TAX1BP3: variants seen among roughly 807,000 people sequenced by gnomAD.
TAX1BP3 encodes the protein Tax1 binding protein 3.
A neutral mutation model predicts 15.3 loss-of-function variants in TAX1BP3; 13 were observed. The observed-to-expected ratio is 0.85, with a 90% CI of 0.55 to 1.35. TAX1BP3 has a LOEUF of 1.35. Among genes scored for constraint, TAX1BP3 ranks in the 40% most tolerant of loss-of-function variants. The pLI is 0.00. For synonymous variants in TAX1BP3, 70 were observed against 66.0 expected, an observed-to-expected ratio of 1.06 and a Z score of -0.30; for missense variants, 147 against 169.6, an observed-to-expected ratio of 0.87 and a Z score of 0.74.
intron 1 of TAX1BP3, among the ~76,000 whole-genome samples, chr17:3,666,659 G>A (rs1175131651): frequency 6.6e-6 from 1 of 152,144 alleles, no homozygotes; most frequent in African/African-American, 2.4e-5. Flanking sequence ...GAGTGAGCCT[G>A]CCCAAACCCA....
intron 2 of TAX1BP3, 71 bp from the exon 3 acceptor site, chr17:3,664,343 C>G: frequency 1.9e-6 from 3 of 1,562,978 alleles, no homozygotes; most frequent in Non-Finnish European, 2.6e-6. Flanking sequence ...CGGAAGCCAG[C>G]ATGGCACATT....
Position 3,668,364 on chromosome 17 carries a change from C to T in TAX1BP3, c.39+124G>A. ...GCTCCGGCAAAGCGGGGACCCGAGC[C>T]CTTGCCGCCGGTTCGCAGGAGCCCC... On this transcript the variant is annotated intron_variant, in intron 1 of 3. Transcript: ENST00000225525. This position sits in a 1 kb window ranked among gnomAD's most constrained non-coding sequence, Gnocchi z 4.1. 2.3e-6 allele frequency: 3 copies of T among 1,293,706 alleles called. No homozygotes were observed. The highest frequency in any genetic ancestry group is 3.1e-6 in the Non-Finnish European group (3 of 956,170). 80.1% of individuals were successfully genotyped at this position (1,293,706 alleles called of 1,614,324 possible).
intron 1 of TAX1BP3, chr17:3,665,777 A>C: frequency 3.7e-5 from 22 of 602,596 alleles, no homozygotes; most frequent in East Asian, 6.2e-5. Flanking sequence ...AAAGGAGAGG[A>C]AGGGCTTGCC....
Position 3,664,786 on chromosome 17 carries a change from T to C in TAX1BP3, c.52A>G (p.Ile18Val). 1 of 1,613,388 alleles carries C rather than the reference T, an allele frequency of 6.2e-7. No homozygotes were observed. Among genetic ancestry groups the C allele is most frequent in the East Asian group, 2.2e-5 (1 of 44,884 alleles). The part of the protein sequence containing the change: ...PVTAVVQRVE[I>V]HKLRQGENLI... ...TTCTCACCTTGACGCAGCTTGTGAA[T>C]TTCAACTCTTTGCTGGCAAAGAAAA... Residue 18 changes from isoleucine (I) to valine (V), a missense_variant, in exon 2 of 4, where the codon ATT becomes GTT. Physicochemically the swap from Ile to Val is conservative, Grantham distance 29. Transcript: ENST00000225525.
rs1258176009 is a variant in TAX1BP3 at position 3,664,265 on chromosome 17, T to C, written c.167A>G (p.Tyr56Cys). ...GCCTCCTTCAGACACCCGTGTGACA[T>C]AAATACCCTGGAAAGGGGCAGCCCA... ...FSEDKTDKGIYVTRVSEGGPA... is the reference protein window; with the variant it reads ...FSEDKTDKGICVTRVSEGGPA... The change falls in exon 3 of 4, where the codon TAT becomes TGT. Residue 56 changes from tyrosine to cysteine, a missense_variant. Physicochemically the swap from Tyr to Cys is radical, Grantham distance 194. Coordinates refer to ENST00000225525, the MANE Select transcript of TAX1BP3 (RefSeq NM_014604.4). 2 of 1,613,816 alleles carry C rather than the reference T, an allele frequency of 1.2e-6. No individual in the cohort carries two copies. The highest frequency in any genetic ancestry group is 1.7e-6 in the Non-Finnish European group (2 of 1,180,020).
intron 1 of TAX1BP3, among the ~76,000 whole-genome samples, chr17:3,667,395 C>T (rs535605817): frequency 6.7e-6 from 1 of 148,496 alleles, no homozygotes; most frequent in Admixed American, 6.7e-5. Flanking sequence ...AAGCTTAGGA[C>T]AGCTGTCAGC....
chr17:3,663,524 G>C lies in TAX1BP3; in HGVS notation c.*224C>G. 1.8e-6 allele frequency: 1 copy of C among 569,672 alleles called. No homozygotes were observed. The highest frequency in any genetic ancestry group is 2.8e-6 in the Non-Finnish European group (1 of 352,248). 35.3% of individuals were successfully genotyped at this position (569,672 alleles called of 1,614,324 possible). A position where few individuals can be genotyped will look rare whatever the true frequency, so the allele number is the denominator to read the frequency against. ...GCAGACTGGCTACTACTCAGCTCCAGGCCCTTATTTCCAATCCTCGGTGTC... is the reference window on the plus strand; with the variant it reads ...GCAGACTGGCTACTACTCAGCTCCACGCCCTTATTTCCAATCCTCGGTGTC... On this transcript the variant is annotated 3_prime_UTR_variant, in exon 4 of 4. Transcript: ENST00000225525.
chr17:3,663,603 G>A lies in TAX1BP3; in HGVS notation c.*145C>T. 1 of 1,243,048 alleles carries A rather than the reference G, an allele frequency of 8.0e-7. No individual in the cohort carries two copies. The highest frequency in any genetic ancestry group is 1.1e-6 in the Non-Finnish European group (1 of 942,294). 77.0% of individuals were successfully genotyped at this position (1,243,048 alleles called of 1,614,324 possible). Reference sequence around the variant, plus strand: ...CAGGCCAGGGATGGGAGAAGGGAAGGAAGGCCAGGCCAGGCCTCTGGGACC... The same window carrying A: ...CAGGCCAGGGATGGGAGAAGGGAAGAAAGGCCAGGCCAGGCCTCTGGGACC... On this transcript the variant is annotated 3_prime_UTR_variant, in exon 4 of 4. Transcript: ENST00000225525.
chr17:3,665,049 A>G (rs762335781), intron 1 of TAX1BP3, among the ~76,000 whole-genome samples: 2 of 152,202 alleles, frequency 1.3e-5, no homozygotes, highest in African/African-American at 2.4e-5. Context: ...GTCTTGGTCA[A>G]CATGTGGTGG....
intron 1 of TAX1BP3, among the ~76,000 whole-genome samples, chr17:3,666,056 A>C (rs2142991908): frequency 6.6e-6 from 1 of 152,374 alleles, no homozygotes; most frequent in South Asian, 2.1e-4. Flanking sequence ...GGTTCTTTTC[A>C]AAGCCCTTGG....
Position 3,663,046 on chromosome 17 carries a change from T to A in TAX1BP3, c.*702A>T. On this transcript the variant is annotated 3_prime_UTR_variant, in exon 4 of 4. Coordinates refer to ENST00000225525, the MANE Select transcript of TAX1BP3 (RefSeq NM_014604.4). Reference sequence around the variant, plus strand: ...AAGTAGAATGGGCATCTCCAAAGAGTACGATAAAAACATTTTGTATCAAAC... The same window carrying A: ...AAGTAGAATGGGCATCTCCAAAGAGAACGATAAAAACATTTTGTATCAAAC... 1 of 151,820 alleles carries A rather than the reference T, an allele frequency of 6.6e-6. No homozygotes were observed. The allele number at this position is 151,820 out of a possible 1,614,324, so 9.4% of individuals were successfully genotyped here.
Position 3,668,119 on chromosome 17 carries a change from AG to A in TAX1BP3, c.39+368del, listed in dbSNP as rs2142992391. 6.6e-6 allele frequency among the ~76,000 whole-genome samples: 1 copy of A among 152,302 alleles called. No individual in the cohort carries two copies. The highest frequency in any genetic ancestry group is 2.1e-4 in the South Asian group (1 of 4,824). ...CGGAGGAAGCATTTCCTCATTCCAG[AG>A]GCTGCGACTCATGGACGTCGGGATC... On this transcript the variant is annotated intron_variant, in intron 1 of 3. Transcript: ENST00000225525. The surrounding 1 kb of genome is among the most constrained non-coding windows in gnomAD (Gnocchi z 4.1).
At chr17:3,666,154 A>AG (rs1347211553) in intron 1 of TAX1BP3, among the ~76,000 whole-genome samples, 1 of 152,232 alleles carries the variant, frequency 6.6e-6, no homozygotes, top group Non-Finnish European at 1.5e-5. Context: ...AGAAAAAAGC[A>AG]GAAGACCACA....
At position 3,663,894 on chromosome 17, in the gene TAX1BP3, A is replaced by G. The variant is rs2076309546; in HGVS notation, c.238-9T>C. 3.7e-6 allele frequency: 6 copies of G among 1,604,876 alleles called. No homozygotes were observed. Among genetic ancestry groups the G allele is most frequent in the Non-Finnish European group, 5.1e-6 (6 of 1,178,544 alleles). ...ATGTCCCAGCCGTTCACCTGGCCCC[A>G]GGAGAGAACACAGGCTCACCTCAGC... On this transcript the variant is annotated splice_polypyrimidine_tract_variant and intron_variant, in intron 3 of 3. Coordinates refer to ENST00000225525, the MANE Select transcript of TAX1BP3 (RefSeq NM_014604.4).
chr17:3,663,596 A>C lies in TAX1BP3; in HGVS notation c.*152T>G. 1.7e-6 allele frequency: 2 copies of C among 1,154,176 alleles called. No homozygotes were observed. Among genetic ancestry groups the C allele is most frequent in the Non-Finnish European group, 2.3e-6 (2 of 864,236 alleles). 71.5% of individuals were successfully genotyped at this position (1,154,176 alleles called of 1,614,324 possible). On this transcript the variant is annotated 3_prime_UTR_variant, in exon 4 of 4. Transcript: ENST00000225525. ...GAGGCCCCAGGCCAGGGATGGGAGAAGGGAAGGAAGGCCAGGCCAGGCCTC... is the reference window on the plus strand; with the variant it reads ...GAGGCCCCAGGCCAGGGATGGGAGACGGGAAGGAAGGCCAGGCCAGGCCTC...
chr17:3,665,335 C>T (rs1037351803), intron 1 of TAX1BP3: 1 of 1,254,706 alleles, frequency 8.0e-7, no homozygotes, highest in Admixed American at 1.7e-5. Context: ...AAAGGTGATA[C>T]TGTAGACATC....
At chr17:3,664,153 C>T (rs763590087) in intron 3 of TAX1BP3, 42 bp downstream of exon 3, 2 of 1,612,828 alleles carry the variant, frequency 1.2e-6, no homozygotes, top group Non-Finnish European at 1.7e-6. Context: ...TTCAGACCTG[C>T]TTGCCCAAAC....
chr17:3,664,865 G>A (rs1472448938), intron 1 of TAX1BP3, 67 bp from the exon 2 acceptor site: 44 of 1,572,664 alleles, frequency 2.8e-5, no homozygotes, highest in Non-Finnish European at 3.6e-5. Flanking sequence ...GGTGTTCCCA[G>A]CAGCAGCCTC....
intron 1 of TAX1BP3, among the ~76,000 whole-genome samples, chr17:3,666,333 T>C (rs2076339534): frequency 6.6e-6 from 1 of 152,058 alleles, no homozygotes; most frequent in Admixed American, 6.5e-5. Context: ...AGGTAATCAG[T>C]AGAGGAACGG....
Sources: gnomAD v4.1 joint callset for allele counts (sites outside exome capture counted in the v4.1 genomes callset) on GRCh38, gnomAD v4.1.1 for gene constraint, Gnocchi (gnomAD v3.1) non-coding constraint, MANE v1.5 for transcripts, NCBI Gene and HGNC (gene_info 2026-07-23, HGNC 2026-07-21) for gene names.